ADAM22: variants seen among roughly 807,000 people sequenced by gnomAD.
ADAM22 encodes ADAM metallopeptidase domain 22, also known as disintegrin and metalloproteinase domain-containing protein 22.
Under a neutral mutation model 144.6 loss-of-function variants are expected in ADAM22, and 65 were observed. The ratio of observed to expected loss-of-function variants is 0.45; its 90% CI spans 0.37 to 0.55. ADAM22 has a LOEUF of 0.55. Ranked by LOEUF, ADAM22 falls within the 20% of genes least tolerant of loss-of-function variation. The pLI is 0.00. For synonymous variants in ADAM22, 391 were observed against 412.6 expected (o/e 0.95, Z 0.63); for missense variants, 974 against 1,184.9 (o/e 0.82, Z 2.61).
chr7:88,111,915 C>A (rs2299198), intron 5 of ADAM22, among the ~76,000 whole-genome samples: 59,876 of 151,838 alleles, frequency 0.39, 13,792 homozygotes, highest in East Asian at 0.88. Context: ...ATGTTTAAGT[C>A]CAATAAAAAA....
chr7:88,181,302 T>C (rs1846954533), intron 27 of ADAM22, among the ~76,000 whole-genome samples: 3 of 152,164 alleles, frequency 2.0e-5, no homozygotes, highest in Admixed American at 2.0e-4. Context: ...TTCCATTGTA[T>C]TTGACTTTTC....
At chr7:87,975,929 G>A (rs1851801774) in intron 2 of ADAM22, among the ~76,000 whole-genome samples, 1 of 152,126 alleles carries the variant, frequency 6.6e-6, no homozygotes, top group African/African-American at 2.4e-5. Context: ...AGCACTCTAG[G>A]AAACTCAAAG....
chr7:87,938,207 ATTTTTTTTTT>A (rs59698275), intron 2 of ADAM22, among the ~76,000 whole-genome samples: 3 of 75,554 alleles, frequency 4.0e-5, no homozygotes, highest in African/African-American at 1.2e-4. Flanking sequence ...ATACCCATAG[ATTTTTTTTTT>A]TTTTTTTTTT....
chr7:88,054,588 CTGTGTG>C (rs58027941), intron 3 of ADAM22, among the ~76,000 whole-genome samples: 5,516 of 132,226 alleles, frequency 0.042, 185 homozygotes, highest in Non-Finnish European at 0.054. Flanking sequence ...AGGTGCCCTC[CTGTGTG>C]TGTGTGTGTG....
chr7:88,194,218 T>A (rs1220740418), intron 31 of ADAM22, among the ~76,000 whole-genome samples: 2 of 152,186 alleles, frequency 1.3e-5, no homozygotes, highest in African/African-American at 4.8e-5. Flanking sequence ...TGCATCCCTG[T>A]TTTGTTCCAT....
At chr7:88,080,203 C>T (rs1488707477) in intron 4 of ADAM22, among the ~76,000 whole-genome samples, 4 of 152,146 alleles carry the variant, frequency 2.6e-5, no homozygotes, top group South Asian at 2.1e-4. Context: ...CACTCAAAAC[C>T]GCTCAACTAC....
At chr7:88,130,753 C>T (rs970151532) in intron 10 of ADAM22, among the ~76,000 whole-genome samples, 1 of 152,062 alleles carries the variant, frequency 6.6e-6, no homozygotes, top group Non-Finnish European at 1.5e-5. Flanking sequence ...TGACTTATAA[C>T]GATGGAGAAA....
At position 87,988,860 on chromosome 7, in the gene ADAM22, G is replaced by A. The variant is rs144592377; in HGVS notation, c.323+10448G>A. The stretch of plus-strand genomic sequence containing the variant: ...ACATGGTAAAATAACTCTGTTACAG[G>A]CAACTTCCCTTTAGTCTTAGTCTGG... On this transcript the variant is annotated intron_variant, in intron 3 of 31. Transcript: ENST00000413139. 1.2e-3 allele frequency among the ~76,000 whole-genome samples: 175 copies of A among 152,166 alleles called. 3 individuals are homozygous for A. Among genetic ancestry groups the A allele is most frequent in the African/African-American group, 4.1e-3 (170 of 41,482 alleles).
chr7:88,136,638 C>T (rs1833046551), intron 14 of ADAM22, among the ~76,000 whole-genome samples: 2 of 152,020 alleles, frequency 1.3e-5, no homozygotes, highest in South Asian at 2.1e-4. Flanking sequence ...CCAAGCTTAT[C>T]ATTACTGCCC....
intron 26 of ADAM22, 123 bp downstream of exon 26, chr7:88,171,684 A>G: frequency 1.3e-6 from 1 of 759,214 alleles, no homozygotes; most frequent in Non-Finnish European, 2.0e-6. Context: ...ATCATACACT[A>G]ATCGATTTTT....
intron 5 of ADAM22, among the ~76,000 whole-genome samples, chr7:88,113,739 T>TATATATAG (rs1826940893): frequency 2.3e-5 from 3 of 129,678 alleles, no homozygotes; most frequent in Non-Finnish European, 4.9e-5. Flanking sequence ...TATATATATA[T>TATATATAG]AGTAAGTCCT....
intron 2 of ADAM22, among the ~76,000 whole-genome samples, chr7:87,967,576 C>T (rs746330777): frequency 4.1e-4 from 62 of 151,608 alleles, no homozygotes; most frequent in Non-Finnish European, 4.1e-4. Context: ...TTTGGGAGGC[C>T]GAGGCAGTCA....
intron 3 of ADAM22, among the ~76,000 whole-genome samples, chr7:87,982,068 T>TACACACACACACACACACACAC (rs1175758724): frequency 1.1e-5 from 1 of 93,720 alleles, no homozygotes; most frequent in Non-Finnish European, 1.9e-5. Context: ...TATATATATA[T>TACACACACACACACACACACAC]ACACACACAC....
At chr7:87,967,348 T>A (rs1849368956) in intron 2 of ADAM22, among the ~76,000 whole-genome samples, 1 of 152,154 alleles carries the variant, frequency 6.6e-6, no homozygotes, top group Non-Finnish European at 1.5e-5. Flanking sequence ...TACTTTAGAC[T>A]CACATGAAGT....
intron 12 of ADAM22, 21 bp from the exon 13 acceptor site, chr7:88,134,308 A>G (rs750424442): frequency 1.3e-6 from 2 of 1,566,708 alleles, no homozygotes; most frequent in Admixed American, 1.8e-5. Flanking sequence ...CATATATTTT[A>G]TTTTTGTTTT....
intron 3 of ADAM22, among the ~76,000 whole-genome samples, chr7:88,034,244 T>C (rs1284652858): frequency 6.6e-6 from 1 of 152,158 alleles, no homozygotes; most frequent in African/African-American, 2.4e-5. Flanking sequence ...AAAGGCTCTA[T>C]ATTTAGCAGG....
chr7:88,026,543 A>G (rs917383569), intron 3 of ADAM22, among the ~76,000 whole-genome samples: 2 of 152,236 alleles, frequency 1.3e-5, no homozygotes, highest in African/African-American at 4.8e-5. Flanking sequence ...CCATATTAGC[A>G]TGTAGAAATG....
chr7:88,182,923 A>G (rs1362258240), intron 29 of ADAM22, among the ~76,000 whole-genome samples: 2 of 152,128 alleles, frequency 1.3e-5, no homozygotes, highest in African/African-American at 2.4e-5. Context: ...TTGCTTCTTC[A>G]TGCCTTAATA....
intron 3 of ADAM22, among the ~76,000 whole-genome samples, chr7:87,991,981 A>G (rs891162126): frequency 2.0e-5 from 3 of 152,212 alleles, no homozygotes; most frequent in Admixed American, 1.3e-4. Flanking sequence ...TTGATCAGAG[A>G]TAAGTGAACC....
Sources: allele counts gnomAD v4.1 joint callset (sites outside exome capture counted in the v4.1 genomes callset), GRCh38; gene constraint gnomAD v4.1.1; transcripts MANE v1.5; gene names NCBI Gene and HGNC (gene_info 2026-07-23, HGNC 2026-07-21).